The following COL18A1 variants were observed in gnomAD, a reference collection of about 807,000 sequenced individuals.
The protein encoded by COL18A1 is collagen type XVIII alpha 1 chain, also known as collagen alpha-1(XVIII) chain.
Under a neutral mutation model 168.0 loss-of-function variants are expected in COL18A1, and 133 were observed. That is an observed-to-expected ratio of 0.79 (90% CI 0.69 to 0.91). COL18A1 has a LOEUF of 0.91. Ranked by LOEUF, COL18A1 falls within the 40% of genes least tolerant of loss-of-function variation. COL18A1 has a pLI of 0.00. For missense variants in COL18A1, 2,126 were observed against 1,925.4 expected (o/e 1.10, Z -1.95); for synonymous variants, 949 against 809.0 (o/e 1.17, Z -2.94).
In COL18A1 at chr21:45,455,981, C is replaced by A. The variant is rs769054779; in HGVS notation, c.107-12261C>A. 1.4e-5 allele frequency: 22 copies of A among 1,612,890 alleles called. No homozygotes were observed. The Admixed American group carries it at 3.5e-4, about 26-fold the overall frequency. On this transcript the variant is annotated intron_variant, in intron 2 of 41. Coordinates refer to ENST00000651438, the MANE Select transcript of COL18A1 (RefSeq NM_001379500.1). ...CCTGGTCCTGGAGACTCCTGTGGGC[C>A]CCCTTGCCCTCGCTGGGCCTTCCAG...
intron 2 of COL18A1, among the ~76,000 whole-genome samples, chr21:45,430,169 G>A (rs2033917368): frequency 6.6e-6 from 1 of 151,592 alleles, no homozygotes; most frequent in Non-Finnish European, 1.5e-5. Flanking sequence ...CTGTGTCCAT[G>A]AAGTGGGGTC....
chr21:45,510,089 CCCT>C lies in COL18A1; in HGVS notation c.3522_3524del (p.Leu1175del). ...CTCCACCTGGTTGCGCTCAACAGCC[CCCT>C]GTCAGGCGGCATGCGGGGCATCCGC... On this transcript the variant is annotated inframe_deletion, in exon 40 of 42. Coordinates refer to ENST00000651438, the MANE Select transcript of COL18A1 (RefSeq NM_001379500.1). 2.5e-6 allele frequency: 4 copies of C among 1,584,714 alleles called. No individual in the cohort carries two copies. The highest frequency in any genetic ancestry group is 3.4e-6 in the Non-Finnish European group (4 of 1,168,930).
intron 38 of COL18A1, 93 bp downstream of exon 38, chr21:45,507,686 T>C (rs2037304852): frequency 8.4e-7 from 1 of 1,187,588 alleles, no homozygotes; most frequent in Non-Finnish European, 1.2e-6. Flanking sequence ...CGTGGTCCTT[T>C]GGAGTCCTGG....
intron 2 of COL18A1, among the ~76,000 whole-genome samples, chr21:45,452,337 A>G (rs907120081): frequency 1.2e-4 from 18 of 150,944 alleles, no homozygotes; most frequent in Admixed American, 4.6e-4. Context: ...AGAGCTGAGC[A>G]TGCATATGCA....
At chr21:45,459,754 C>G (rs1004833967) in intron 2 of COL18A1, among the ~76,000 whole-genome samples, 11 of 152,294 alleles carry the variant, frequency 7.2e-5, no homozygotes, top group Non-Finnish European at 1.2e-4. Flanking sequence ...GGCTCCCTTG[C>G]TGCAGCTGCC....
At chr21:45,478,214 G>A (rs2035752266) in intron 8 of COL18A1, 113 bp from the exon 9 acceptor site, 1 of 1,412,106 alleles carries the variant, frequency 7.1e-7, no homozygotes, top group Non-Finnish European at 1.0e-6. Context: ...ATCGGGGGAA[G>A]GCGTCTGCCG....
chr21:45,493,923 G>A, intron 26 of COL18A1: 1 of 342,656 alleles, frequency 2.9e-6, no homozygotes, highest in African/African-American at 2.1e-5. Context: ...CAGGTTTCTG[G>A]CTGCCCCTCC....
At chr21:45,480,302 C>T in intron 11 of COL18A1, 146 bp downstream of exon 11, 4 of 1,335,186 alleles carry the variant, frequency 3.0e-6, no homozygotes, top group South Asian at 1.2e-5. Flanking sequence ...TGGTGGGAGC[C>T]CCCATCCACC....
Position 45,468,632 on chromosome 21 carries a change from C to T in COL18A1, c.497C>T (p.Ala166Val). The T allele has an allele frequency of 2.5e-6, 4 of 1,614,044 alleles. No individual in the cohort carries two copies. Among genetic ancestry groups the T allele is most frequent in the Non-Finnish European group, 3.4e-6 (4 of 1,180,024 alleles). ...TTCGTCGGCCAGTGGACACACTTAG[C>T]CCTCAGTGTGGCAGGTGGCTTTGTG... ...PAFVGQWTHL[A>V]LSVAGGFVAL... Residue 166 changes from alanine (A) to valine (V), a missense_variant, in exon 3 of 42, where the codon GCC (alanine) becomes GTC (valine). Transcript: ENST00000651438.
intron 2 of COL18A1, chr21:45,421,046 C>G (rs1222661036): frequency 4.9e-6 from 1 of 205,854 alleles, no homozygotes. Flanking sequence ...CCAGGAGACT[C>G]TGGCCACCCC....
At chr21:45,469,843 T>C (rs1299463490) in intron 3 of COL18A1, among the ~76,000 whole-genome samples, 2 of 152,236 alleles carry the variant, frequency 1.3e-5, no homozygotes, top group East Asian at 1.9e-4. Context: ...TTTTCACCTT[T>C]GGCAGGAACT....
intron 2 of COL18A1, among the ~76,000 whole-genome samples, chr21:45,436,485 C>T (rs758374091): frequency 6.6e-6 from 1 of 152,160 alleles, no homozygotes; most frequent in Non-Finnish European, 1.5e-5. Context: ...ACTTCCTGCT[C>T]TATCTGGAAG....
At chr21:45,485,042 G>A (rs923533019) in intron 15 of COL18A1, among the ~76,000 whole-genome samples, 3 of 151,788 alleles carry the variant, frequency 2.0e-5, no homozygotes, top group African/African-American at 4.8e-5. Context: ...CTCCGCAGTG[G>A]TGCAGTCTCA....
At position 45,492,720 on chromosome 21, in the gene COL18A1, A is replaced by G. The variant is rs1348781360; in HGVS notation, c.2214+7A>G. On this transcript the variant is annotated splice_region_variant and intron_variant, in intron 24 of 41. Transcript: ENST00000651438. ...GGGTTTCGCAGGCTTTCCCGTGAGT[A>G]ACCTGGTGCCAGAGCTGCATGCTGC... 6.5e-7 allele frequency: 1 copy of G among 1,548,674 alleles called. No individual in the cohort carries two copies. Among genetic ancestry groups the G allele is most frequent in the African/African-American group, 1.5e-5 (1 of 68,896 alleles).
intron 30 of COL18A1, 85 bp downstream of exon 30, chr21:45,496,653 C>T: frequency 1.3e-6 from 1 of 789,808 alleles, no homozygotes; most frequent in South Asian, 1.3e-5. Flanking sequence ...TTCTTCTCCC[C>T]TGGCCTCTGC....
chr21:45,470,478 TG>T (rs143650727), intron 3 of COL18A1, among the ~76,000 whole-genome samples: 16,257 of 119,134 alleles, frequency 0.14, 2,003 homozygotes, highest in African/African-American at 0.27. Context: ...GGTTTTTTTG[TG>T]GGTTTTTTTT....
chr21:45,500,169 TGGG>T (rs1380265408), intron 32 of COL18A1, among the ~76,000 whole-genome samples: 18 of 64,018 alleles, frequency 2.8e-4, no homozygotes, highest in African/African-American at 1.1e-3. Flanking sequence ...GTGTGTAGTG[TGGG>T]GGTGTATAGT....
At chr21:45,455,828 C>G in intron 2 of COL18A1, 1 of 1,613,312 alleles carries the variant, frequency 6.2e-7, no homozygotes, top group Non-Finnish European at 8.5e-7. Flanking sequence ...TGCCGAGAGC[C>G]CGGACGCGCC....
At chr21:45,409,496 A>G (rs533703970) in intron 2 of COL18A1, among the ~76,000 whole-genome samples, 1 of 152,148 alleles carries the variant, frequency 6.6e-6, no homozygotes, top group Non-Finnish European at 1.5e-5. Context: ...TTTGGGGTCT[A>G]AGGCCCTTTT....
Sources: allele counts gnomAD v4.1 joint callset (sites outside exome capture counted in the v4.1 genomes callset), GRCh38; gene constraint gnomAD v4.1.1; transcripts MANE v1.5; gene names NCBI Gene and HGNC (gene_info 2026-07-23, HGNC 2026-07-21).